Variants in BST1 observed in about 807,000 individuals in gnomAD.
BST1 encodes the protein bone marrow stromal cell antigen 1, also known as ADP-ribosyl cyclase/cyclic ADP-ribose hydrolase 2.
BST1 carries 49 observed loss-of-function variants against 40.6 expected under a neutral mutation model. The ratio of observed to expected loss-of-function variants is 1.21; its 90% confidence interval spans 0.96 to 1.53. BST1 has a LOEUF of 1.53. Ranked by LOEUF, BST1 falls within the 40% of genes most tolerant of loss-of-function variation. The pLI, the probability that BST1 is intolerant of heterozygous loss-of-function variation, is 0.00. For synonymous variants in BST1, 157 were observed against 159.3 expected, an observed-to-expected ratio of 0.99 and a Z score of 0.11; for missense variants, 423 against 395.9, an observed-to-expected ratio of 1.07 and a Z score of -0.58.
the BST1 span, among the ~76,000 whole-genome samples, chr4:15,770,489 G>T: frequency 6.6e-6 from 1 of 152,160 alleles, no homozygotes; most frequent in Admixed American, 6.5e-5. Context: ...TGGATCACCT[G>T]AGGTCAGGAG....
chr4:15,729,870 C>T (rs904689579), intron 8 of BST1, among the ~76,000 whole-genome samples: 1 of 152,036 alleles, frequency 6.6e-6, no homozygotes, highest in Non-Finnish European at 1.5e-5. Flanking sequence ...AAAGTAAACT[C>T]CAAGCACCTA....
At chr4:15,752,991 T>TTAAATATAAATCACTAAGAAATA in the BST1 span, among the ~76,000 whole-genome samples, 1 of 150,096 alleles carries the variant, frequency 6.7e-6, no homozygotes, top group Non-Finnish European at 1.5e-5. Flanking sequence ...TAAGAAATAT[T>TTAAATATAAATCACTAAGAAATA]TAAATATAAA....
At chr4:15,707,853 C>A (rs977647687) in intron 3 of BST1, among the ~76,000 whole-genome samples, 165 of 108,372 alleles carry the variant, frequency 1.5e-3, no homozygotes, top group African/African-American at 4.3e-3. Flanking sequence ...CTCTCTCTCT[C>A]TCTATATATA....
intron 4 of BST1, 23 bp downstream of exon 4, chr4:15,711,912 G>A (rs367729610): frequency 6.2e-7 from 1 of 1,600,650 alleles, no homozygotes; most frequent in African/African-American, 1.3e-5. Flanking sequence ...TGATATCTGA[G>A]TGGTTGAGCA....
chr4:15,731,905 T>C lies in BST1; in HGVS notation c.*60T>C. The C allele has an allele frequency of 6.4e-7, 1 of 1,565,144 alleles. No individual in the cohort carries two copies. The highest frequency in any genetic ancestry group is 8.7e-7 in the Non-Finnish European group (1 of 1,154,552). ...CTGCAGCCTCCCCTTGCAGTCATCA[T>C]TCGTGTTCTGTGTATACCAAATGAT... is the stretch of plus-strand genomic sequence containing the variant. On this transcript the variant is annotated 3_prime_UTR_variant, in exon 9 of 9. Transcript: ENST00000265016.
downstream of BST1, among the ~76,000 whole-genome samples, chr4:15,736,383 G>A (rs1348250177): frequency 6.6e-6 from 1 of 152,060 alleles, no homozygotes; most frequent in Non-Finnish European, 1.5e-5. Context: ...ACTTTGTGAG[G>A]CCAAGGTGGG....
chr4:15,726,868 TA>T (rs1238239764), intron 8 of BST1, among the ~76,000 whole-genome samples: 1 of 139,718 alleles, frequency 7.2e-6, no homozygotes, highest in Admixed American at 7.1e-5. Context: ...TTTTCCTCGG[TA>T]TTTTTTTTTT....
At chr4:15,707,377 GA>G (rs1156329991) in intron 2 of BST1, 133 bp from the exon 3 acceptor site, 43 of 976,026 alleles carry the variant, frequency 4.4e-5, no homozygotes, top group Middle Eastern at 2.1e-4. Flanking sequence ...CAACGAAAAA[GA>G]ACGTTCAGTT....
At chr4:15,734,804 G>A (rs1312960305), downstream of BST1, among the ~76,000 whole-genome samples, 2 of 152,176 alleles carry the variant, frequency 1.3e-5, no homozygotes, top group Admixed American at 1.3e-4. Flanking sequence ...AAAAACAGTA[G>A]ACATCACTTC....
chr4:15,729,401 G>A (rs766916563), intron 8 of BST1, among the ~76,000 whole-genome samples: 3 of 152,266 alleles, frequency 2.0e-5, no homozygotes, highest in Admixed American at 6.5e-5. Flanking sequence ...ATGCTTCAAC[G>A]AGCTGTAGTC....
chr4:15,703,858 G>T (rs1362784175), intron 1 of BST1, among the ~76,000 whole-genome samples: 1 of 146,970 alleles, frequency 6.8e-6, no homozygotes, highest in East Asian at 2.1e-4. Context: ...GAGGTGAGGG[G>T]TGTGTGCATG....
At chr4:15,755,948 A>G in the BST1 span, among the ~76,000 whole-genome samples, 1 of 152,364 alleles carries the variant, frequency 6.6e-6, no homozygotes, top group South Asian at 2.1e-4. Flanking sequence ...GTTCCTCCAC[A>G]GGGCAAGTAC....
At chr4:15,719,966 G>A (rs1186409939) in intron 7 of BST1, among the ~76,000 whole-genome samples, 1 of 152,106 alleles carries the variant, frequency 6.6e-6, no homozygotes, top group East Asian at 1.9e-4. Context: ...ACAAAACAAG[G>A]CAAATGTCCT....
chr4:15,715,734 C>G lies in BST1; in HGVS notation c.639C>G (p.Asn213Lys). The stretch of plus-strand genomic sequence containing the variant: ...TTTTTGCAGATTATGAAATTCCAAA[C>G]CTCCAGAAGGAAAAAATTACACGAA... ...KGFFADYEIP[N>K]LQKEKITRIE... The change falls in exon 6 of 9, where the codon AAC becomes AAG. Residue 213 changes from asparagine (N) to lysine (K), a missense_variant. By Grantham distance (94) the Asn-to-Lys change is moderately conservative. Transcript: ENST00000265016. 5 of 1,600,770 alleles carry G rather than the reference C, an allele frequency of 3.1e-6. No homozygotes were observed. The highest frequency in any genetic ancestry group is 4.3e-6 in the Non-Finnish European group (5 of 1,175,448).
At chr4:15,751,087 G>A in the BST1 span, among the ~76,000 whole-genome samples, 1 of 152,210 alleles carries the variant, frequency 6.6e-6, no homozygotes, top group Non-Finnish European at 1.5e-5. Context: ...TGAATCAGGT[G>A]TAACAGAGTT....
chr4:15,719,118 C>A, intron 7 of BST1, 125 bp downstream of exon 7: 1 of 765,402 alleles, frequency 1.3e-6, no homozygotes, highest in Non-Finnish European at 2.0e-6. Flanking sequence ...GGTGGCTTCT[C>A]GGTGTGGAGG....
At chr4:15,772,001 A>G in the BST1 span, among the ~76,000 whole-genome samples, 1 of 132,248 alleles carries the variant, frequency 7.6e-6, no homozygotes, top group East Asian at 2.3e-4. Flanking sequence ...TTATGAAACA[A>G]TGAAGGTCTC....
At chr4:15,768,517 C>T in the BST1 span, among the ~76,000 whole-genome samples, 41 of 129,868 alleles carry the variant, frequency 3.2e-4, no homozygotes, top group South Asian at 4.0e-3. Context: ...GACGGAGTCT[C>T]ACTCTGTCAC....
chr4:15,725,096 A>C (rs1025467991), intron 8 of BST1, among the ~76,000 whole-genome samples: 3 of 151,642 alleles, frequency 2.0e-5, no homozygotes, highest in African/African-American at 2.4e-5. Flanking sequence ...TGTCTTCTCT[A>C]AGCCACTGTC....
Sources: gnomAD v4.1 joint callset for allele counts (sites outside exome capture counted in the v4.1 genomes callset) on GRCh38, gnomAD v4.1.1 for gene constraint, MANE v1.5 for transcripts, NCBI Gene and HGNC (gene_info 2026-07-23, HGNC 2026-07-21) for gene names.